Variants in MSR1 observed in about 807,000 individuals in gnomAD.
MSR1 encodes macrophage scavenger receptor 1, also known as macrophage scavenger receptor types I and II.
In MSR1, 53 loss-of-function variants were observed where a neutral mutation model predicts 47.2. The ratio of observed to expected loss-of-function variants is 1.12; its 90% CI spans 0.90 to 1.41. MSR1 has a LOEUF of 1.41. MSR1 is among the 40% of genes most tolerant of loss of function. MSR1 has a pLI of 0.00. For missense variants in MSR1, 786 were observed against 546.9 expected (o/e 1.44, Z -4.36); for synonymous variants, 239 against 185.6 (o/e 1.29, Z -2.34).
chr8:16,164,334 AG>A, intron 4 of MSR1, 83 bp from the exon 5 acceptor site: 1 of 1,209,848 alleles, frequency 8.3e-7, no homozygotes, highest in South Asian at 1.3e-5. Context: ...CTCGGAGTTC[AG>A]GTTTTTAAAA....
At chr8:16,183,632 TATA>T (rs1215721874) in intron 1 of MSR1, among the ~76,000 whole-genome samples, 1 of 139,308 alleles carries the variant, frequency 7.2e-6, no homozygotes, top group Non-Finnish European at 1.5e-5. Context: ...ATATATAATA[TATA>T]ATATAATAAA....
chr8:16,178,008 G>GA lies in MSR1; in HGVS notation c.-4-17dup, dbSNP rs1801706435. 1.9e-6 allele frequency: 3 copies of GA among 1,585,194 alleles called. No homozygotes were observed. Among genetic ancestry groups the GA allele is most frequent in the African/African-American group, 1.3e-5 (1 of 74,242 alleles). ...CTCCATACTTCTATGAAACAAAATG[G>GA]AAAAATATATTAATTCCACATGAAA... On this transcript the variant is annotated splice_polypyrimidine_tract_variant and intron_variant, in intron 1 of 9. Coordinates refer to ENST00000262101, the MANE Select transcript of MSR1 (RefSeq NM_138715.3).
intron 8 of MSR1, chr8:16,140,617 G>A (rs146657330): frequency 9.9e-6 from 11 of 1,108,724 alleles, no homozygotes; most frequent in South Asian, 3.3e-5. Context: ...TCCAAGTTAG[G>A]GTGAGAACAC....
chr8:16,165,584 C>T (rs1056608321), intron 4 of MSR1, among the ~76,000 whole-genome samples: 18 of 151,982 alleles, frequency 1.2e-4, no homozygotes, highest in Non-Finnish European at 2.6e-4. Context: ...ATTAAGTACT[C>T]CTATGTTCTA....
rs1452661406 is a variant in MSR1 at position 16,131,446 on chromosome 8, T to TTTTTTTTTGTTTTG, written c.1034-10841_1034-10840insCAAAACAAAAAAAA. Among the ~76,000 whole-genome samples, 57 of 146,418 alleles carry TTTTTTTTTGTTTTG rather than the reference T, an allele frequency of 3.9e-4. 2 individuals carry two copies. The highest frequency in any genetic ancestry group is 1.4e-3 in the African/African-American group (56 of 39,608). Reference sequence around the variant, plus strand: ...ATCTGTTTACTCTGTTGATAGTTTTTTTTTTTTTTTTTTTTTTTTGTGGTG... The same window carrying TTTTTTTTTGTTTTG: ...ATCTGTTTACTCTGTTGATAGTTTTTTTTTTTTTGTTTTGTTTTTTTTTTTTTTTTTTTGTGGTG... On this transcript the variant is annotated intron_variant, in intron 8 of 9. Coordinates refer to ENST00000262101, the MANE Select transcript of MSR1 (RefSeq NM_138715.3).
chr8:16,130,544 G>A (rs751164673), intron 8 of MSR1, among the ~76,000 whole-genome samples: 3 of 152,044 alleles, frequency 2.0e-5, no homozygotes, highest in Non-Finnish European at 2.9e-5. Context: ...GGTAAATTGC[G>A]TGTCGTGGCA....
At chr8:16,139,116 A>G (rs544190292) in intron 8 of MSR1, among the ~76,000 whole-genome samples, 2 of 152,294 alleles carry the variant, frequency 1.3e-5, no homozygotes, top group Non-Finnish European at 1.5e-5. Context: ...TTGATTTGCA[A>G]TCTGGTCACA....
At chr8:16,143,698 T>A (rs1800623188) in intron 7 of MSR1, 87 bp from the exon 8 acceptor site, 3 of 898,706 alleles carry the variant, frequency 3.3e-6, no homozygotes, top group Admixed American at 1.9e-5. Context: ...ACAAGGTAAT[T>A]AAAATATAAT....
rs74590450 is a variant in MSR1 at position 16,134,837 on chromosome 8, C to A, written c.1033+8721G>T. The stretch of plus-strand genomic sequence containing the variant: ...ATAAGAAAACAAACCACCTTATTGC[C>A]GATATAAAGTTTTAGTTAGTGGCCT... On this transcript the variant is annotated intron_variant, in intron 8 of 9. Coordinates refer to ENST00000262101, the MANE Select transcript of MSR1 (RefSeq NM_138715.3). Among the ~76,000 whole-genome samples, 1,201 of 152,172 alleles carry A rather than the reference C, an allele frequency of 7.9e-3. 16 individuals carry two copies. Among genetic ancestry groups the A allele is most frequent in the African/African-American group, 0.027 (1,130 of 41,520 alleles).
chr8:16,144,109 C>G (rs1585157213), intron 7 of MSR1, among the ~76,000 whole-genome samples: 1 of 151,974 alleles, frequency 6.6e-6, no homozygotes, highest in Non-Finnish European at 1.5e-5. Context: ...ATCCTTGGAG[C>G]GTTCACATCT....
Position 16,178,236 on chromosome 8 carries a change from A to G in MSR1, c.-4-244T>C, listed in dbSNP as rs35835920. The stretch of plus-strand genomic sequence containing the variant: ...TCATCTAACACTAGGTATATCTCCT[A>G]ATAGCTATCCCTCCCCCCTCCCCCT... On this transcript the variant is annotated intron_variant, in intron 1 of 9. Transcript: ENST00000262101. Among the ~76,000 whole-genome samples the G allele has an allele frequency of 8.7e-3, 1,321 of 151,382 alleles. 26 individuals carry two copies. The highest frequency in any genetic ancestry group is 0.031 in the African/African-American group (1,269 of 41,182).
In MSR1 at chr8:16,139,272, G is replaced by A. The variant is rs144047671; in HGVS notation, c.1033+4286C>T. 242 of 984,332 alleles carry A rather than the reference G, an allele frequency of 2.5e-4. 1 individual carries two copies. The African/African-American group carries it at 3.6e-3, about 14-fold the overall frequency. The allele number at this position is 984,332 out of a possible 1,614,324, so 61.0% of individuals were successfully genotyped here. ...TTAAAAATGTCTGCATTATACCAGC[G>A]GGGAAAAGCTATTCCAGTTCAGAGA... On this transcript the variant is annotated intron_variant, in intron 8 of 9. Coordinates refer to ENST00000262101, the MANE Select transcript of MSR1 (RefSeq NM_138715.3).
chr8:16,155,114 T>C lies in MSR1; in HGVS notation c.848A>G (p.Asp283Gly), dbSNP rs774410939. 2 of 1,612,218 alleles carry C rather than the reference T, an allele frequency of 1.2e-6. No individual in the cohort carries two copies. The highest frequency in any genetic ancestry group is 2.2e-5 in the East Asian group (1 of 44,812). The change falls in exon 6 of 10, where the codon GAT becomes GGT. Residue 283 changes from aspartate (D) to glycine (G), a missense_variant. Physicochemically the swap from Asp to Gly is moderately conservative, Grantham distance 94. Transcript: ENST00000262101. ...ACCACTTTCTCCAGTGGGACCTCGA[T>C]CTCCTTTTTCACCCGGGGGTCCAGG... ...GPPGPPGEKG[D>G]RGPTGESGPR... is the part of the protein sequence containing the mutation.
intron 1 of MSR1, among the ~76,000 whole-genome samples, chr8:16,192,069 A>G (rs1419884572): frequency 6.6e-6 from 1 of 152,148 alleles, no homozygotes; most frequent in Non-Finnish European, 1.5e-5. Context: ...ATTCCGGAGC[A>G]CAAAAAGAAC....
At position 16,152,153 on chromosome 8, in the gene MSR1, A is replaced by G. The variant is rs571769678; in HGVS notation, c.899-1842T>C. 2.3e-4 allele frequency among the ~76,000 whole-genome samples: 35 copies of G among 152,192 alleles called. No homozygotes were observed. In the South Asian group the frequency reaches 3.1e-3, roughly 14 times the overall value. Reference sequence around the variant, plus strand: ...ACCAGCCTGTTGTAAAGGCTTCTAAATTTAGTTTTATTAAATGATACGTAC... The same window carrying G: ...ACCAGCCTGTTGTAAAGGCTTCTAAGTTTAGTTTTATTAAATGATACGTAC... On this transcript the variant is annotated intron_variant, in intron 6 of 9. Transcript: ENST00000262101.
At chr8:16,155,743 G>C (rs1800987084) in intron 5 of MSR1, among the ~76,000 whole-genome samples, 1 of 152,008 alleles carries the variant, frequency 6.6e-6, no homozygotes, top group South Asian at 2.1e-4. Flanking sequence ...GAAGGGGAAG[G>C]AAGACAATTC....
chr8:16,161,421 GTA>G (rs758224570), intron 5 of MSR1, among the ~76,000 whole-genome samples: 3 of 151,876 alleles, frequency 2.0e-5, no homozygotes, highest in East Asian at 3.9e-4. Flanking sequence ...CAAAGTGGAG[GTA>G]TCTAACTGTT....
intron 8 of MSR1, among the ~76,000 whole-genome samples, chr8:16,124,433 A>G (rs916556921): frequency 6.6e-6 from 1 of 152,208 alleles, no homozygotes; most frequent in Non-Finnish European, 1.5e-5. Context: ...TGACTTGTGG[A>G]ATAAATAAGG....
At chr8:16,166,174 T>A (rs1179765030) in intron 4 of MSR1, among the ~76,000 whole-genome samples, 1 of 141,162 alleles carries the variant, frequency 7.1e-6, no homozygotes, top group Non-Finnish European at 1.5e-5. Context: ...CTTTTTTTTT[T>A]TTTTTTTTTT....
Sources: allele counts gnomAD v4.1 joint callset (sites outside exome capture counted in the v4.1 genomes callset), GRCh38; gene constraint gnomAD v4.1.1; transcripts MANE v1.5; gene names NCBI Gene and HGNC (gene_info 2026-07-23, HGNC 2026-07-21).